Variants in TG observed in about 807,000 individuals in gnomAD.
TG encodes thyroglobulin, also known as thyroid hormones.
Under a neutral mutation model 324.7 loss-of-function variants are expected in TG, and 270 were observed. The ratio of observed to expected loss-of-function variants is 0.83; its 90% CI spans 0.75 to 0.92. TG has a LOEUF of 0.92. Among genes scored for constraint, TG ranks in the 40% least tolerant of loss-of-function variants. TG has a pLI of 0.00. For missense variants in TG, 3,591 were observed against 3,456.4 expected (o/e 1.04, Z -0.98); for synonymous variants, 1,401 against 1,327.0 (o/e 1.06, Z -1.21).
At chr8:133,106,599 A>T (rs910628130) in intron 43 of TG, 1 of 315,114 alleles carries the variant, frequency 3.2e-6, no homozygotes, top group Non-Finnish European at 4.6e-6. Context: ...AGCTGTCCGC[A>T]TGTCTGAACC....
intron 41 of TG, chr8:133,072,845 C>T (rs538885148): frequency 6.6e-6 from 1 of 152,088 alleles, no homozygotes. Context: ...CTGTCTGTTT[C>T]GTTTATATCA....
intron 35 of TG, among the ~76,000 whole-genome samples, chr8:132,991,591 A>G (rs1296465767): frequency 6.6e-6 from 1 of 152,192 alleles, no homozygotes; most frequent in Non-Finnish European, 1.5e-5. Context: ...CCCTGTCACT[A>G]TTTCATCAGA....
intron 34 of TG, among the ~76,000 whole-genome samples, chr8:132,980,781 G>A (rs1225456891): frequency 6.6e-6 from 1 of 152,050 alleles, no homozygotes; most frequent in Non-Finnish European, 1.5e-5. Flanking sequence ...TGGTTGGTGT[G>A]GGGGCAAAAA....
At chr8:133,019,975 C>T (rs1298437676) in intron 39 of TG, among the ~76,000 whole-genome samples, 1 of 152,160 alleles carries the variant, frequency 6.6e-6, no homozygotes, top group Non-Finnish European at 1.5e-5. Context: ...TTAAAGAGCA[C>T]TTTTATATCT....
intron 45 of TG, among the ~76,000 whole-genome samples, chr8:133,128,336 T>TACACAC (rs1206597558): frequency 9.1e-5 from 2 of 21,928 alleles, no homozygotes; most frequent in Non-Finnish European, 1.9e-4. Flanking sequence ...ACAAAAGGCG[T>TACACAC]GCACACACAC....
intron 41 of TG, among the ~76,000 whole-genome samples, chr8:133,088,835 C>A (rs1054226278): frequency 2.6e-5 from 4 of 152,172 alleles, no homozygotes; most frequent in Non-Finnish European, 5.9e-5. Context: ...TTTGCCAAAA[C>A]TGAAGTGTTA....
At chr8:133,029,420 C>A (rs1836413280) in intron 40 of TG, among the ~76,000 whole-genome samples, 1 of 152,170 alleles carries the variant, frequency 6.6e-6, no homozygotes, top group Non-Finnish European at 1.5e-5. Flanking sequence ...AGACATGGGG[C>A]AGAGAGTTCA....
chr8:132,983,293 A>G, intron 34 of TG, 57 bp from the exon 35 acceptor site: 2 of 1,569,302 alleles, frequency 1.3e-6, no homozygotes, highest in South Asian at 2.2e-5. Flanking sequence ...ATGCCTTCTG[A>G]ACTCGATGAT....
intron 35 of TG, among the ~76,000 whole-genome samples, chr8:132,998,628 G>C (rs1024694481): frequency 6.6e-6 from 1 of 152,230 alleles, no homozygotes; most frequent in Non-Finnish European, 1.5e-5. Flanking sequence ...ACCATGGAGT[G>C]GGTGGGAGCG....
intron 43 of TG, among the ~76,000 whole-genome samples, chr8:133,100,331 C>G (rs940648475): frequency 6.6e-6 from 1 of 152,192 alleles, no homozygotes; most frequent in South Asian, 2.1e-4. Context: ...TACACCCTAC[C>G]CCAGCACTCA....
chr8:132,872,477 CAAAAAA>C (rs11359047), intron 4 of TG, among the ~76,000 whole-genome samples: 1 of 73,154 alleles, frequency 1.4e-5, no homozygotes, highest in African/African-American at 5.5e-5. Context: ...GACTCCGTCT[CAAAAAA>C]AAAAAAAAAA....
chr8:133,019,841 G>A, intron 39 of TG, 146 bp downstream of exon 39: 1 of 679,982 alleles, frequency 1.5e-6, no homozygotes. Flanking sequence ...CACTCAGTTA[G>A]TGAGTGATCT....
At chr8:133,067,859 A>G (rs575795974) in intron 41 of TG, among the ~76,000 whole-genome samples, 1,379 of 76,270 alleles carry the variant, frequency 0.018, 27 homozygotes, top group African/African-American at 0.087. Flanking sequence ...AGAGAGAAAG[A>G]AAGAAAGAAA....
intron 23 of TG, among the ~76,000 whole-genome samples, chr8:132,931,059 C>T (rs1822647083): frequency 6.6e-6 from 1 of 152,168 alleles, no homozygotes; most frequent in African/African-American, 2.4e-5. Context: ...AATGGATTTT[C>T]TTGTAATTCT....
chr8:133,062,188 T>C (rs991474389), intron 41 of TG, among the ~76,000 whole-genome samples: 1 of 152,164 alleles, frequency 6.6e-6, no homozygotes, highest in Non-Finnish European at 1.5e-5. Context: ...GCTCGGGCCC[T>C]TCTTTCTTCA....
chr8:133,122,929 G>A (rs887721107), intron 45 of TG, among the ~76,000 whole-genome samples: 7 of 152,096 alleles, frequency 4.6e-5, no homozygotes, highest in African/African-American at 1.7e-4. Flanking sequence ...TTCCAGCGCG[G>A]CCTGTAATCC....
intron 45 of TG, among the ~76,000 whole-genome samples, chr8:133,118,308 A>G (rs1850862159): frequency 6.8e-6 from 1 of 146,428 alleles, no homozygotes; most frequent in Non-Finnish European, 1.5e-5. Context: ...GATTCCCCCA[A>G]ACAGATTCTT....
intron 35 of TG, among the ~76,000 whole-genome samples, chr8:132,992,789 A>T (rs1181013189): frequency 6.6e-6 from 1 of 152,104 alleles, no homozygotes; most frequent in African/African-American, 2.4e-5. Flanking sequence ...GGGATGGCTG[A>T]CCACCCCATC....
intron 9 of TG, among the ~76,000 whole-genome samples, 176 bp downstream of exon 9, chr8:132,887,724 C>A (rs1254462069): frequency 6.6e-6 from 1 of 152,048 alleles, no homozygotes; most frequent in Non-Finnish European, 1.5e-5. Flanking sequence ...TTAATCAGAC[C>A]TAGGAGTAAA....
Sources: gnomAD v4.1 joint callset for allele counts (sites outside exome capture counted in the v4.1 genomes callset) on GRCh38, gnomAD v4.1.1 for gene constraint, MANE v1.5 for transcripts, NCBI Gene and HGNC (gene_info 2026-07-23, HGNC 2026-07-21) for gene names.